The following HIVEP2 variants were observed in gnomAD, a reference collection of about 807,000 sequenced individuals.
The protein encoded by HIVEP2 is HIVEP zinc finger 2.
Under a neutral mutation model 180.7 loss-of-function variants are expected in HIVEP2, and 14 were observed. The observed-to-expected ratio is 0.08, with a 90% CI of 0.05 to 0.12. The LOEUF is 0.12. Among genes scored for constraint, HIVEP2 ranks in the 10% least tolerant of loss-of-function variants. The probability of loss-of-function intolerance (pLI) is 1.00; values close to 1 mark genes in which losing one functional copy is unlikely to be tolerated. For synonymous variants in HIVEP2, 1,184 were observed against 1,136.4 expected (o/e 1.04, Z -0.84); for missense variants, 2,579 against 3,008.5 (o/e 0.86, Z 3.34).
chr6:142,913,190 T>A (rs1777458729), intron 1 of HIVEP2, among the ~76,000 whole-genome samples: 1 of 152,228 alleles, frequency 6.6e-6, no homozygotes, highest in Non-Finnish European at 1.5e-5. Context: ...TATCAATTCA[T>A]TTCTTACTCA....
At chr6:142,859,761 G>C (rs966397198) in intron 1 of HIVEP2, among the ~76,000 whole-genome samples, 1 of 144,920 alleles carries the variant, frequency 6.9e-6, no homozygotes, top group Non-Finnish European at 1.5e-5. Context: ...TTGAACCTGG[G>C]AGGCAGATGT....
At chr6:142,818,745 G>GA (rs1186384396) in intron 2 of HIVEP2, among the ~76,000 whole-genome samples, 3 of 92,246 alleles carry the variant, frequency 3.3e-5, no homozygotes, top group African/African-American at 1.3e-4. Flanking sequence ...AAGAAAGAAA[G>GA]AAAGAAAGAA....
Position 142,753,356 on chromosome 6 carries a change from A to G in HIVEP2, c.7092T>C (p.Ser2364=). ...TAAAGTGTCTAATGCTAACATGTGC[A>G]CTTCCCAGGGGGTTCTGGTGGGGCT... The part of the protein sequence containing the change: ...VQEPHQNPLG[S]AHVSIRHFSR... The change falls in exon 10 of 10, where the codon AGT becomes AGC. Residue 2364 remains serine (S), a synonymous_variant. Coordinates refer to ENST00000367603, the MANE Select transcript of HIVEP2 (RefSeq NM_006734.4). 6.2e-7 allele frequency: 1 copy of G among 1,614,120 alleles called. No homozygotes were observed. Among genetic ancestry groups the G allele is most frequent in the Non-Finnish European group, 8.5e-7 (1 of 1,180,046 alleles).
chr6:142,832,793 G>A (rs1204799650), intron 2 of HIVEP2, among the ~76,000 whole-genome samples: 1 of 152,206 alleles, frequency 6.6e-6, no homozygotes, highest in Non-Finnish European at 1.5e-5. Context: ...TCTCAGATCA[G>A]GGAAGTGATT....
chr6:142,808,237 A>C (rs1776600521), intron 2 of HIVEP2, among the ~76,000 whole-genome samples: 1 of 152,208 alleles, frequency 6.6e-6, no homozygotes, highest in Non-Finnish European at 1.5e-5. Context: ...ACTTACCTAG[A>C]CATAAGACCC....
In HIVEP2 at chr6:142,813,580, T is replaced by G. The variant is rs552363167; in HGVS notation, c.-528+23355A>C. Among the ~76,000 whole-genome samples, 8 of 151,186 alleles carry G rather than the reference T, an allele frequency of 5.3e-5. No homozygotes were observed. In the East Asian group the frequency reaches 9.7e-4, roughly 18 times the overall value. Reference sequence around the variant, plus strand: ...CTCCATCATCAGTTCAGAGTTTTTTTTTTTTTTTTTTTGAGACATGATCTT... The same window carrying G: ...CTCCATCATCAGTTCAGAGTTTTTTGTTTTTTTTTTTTGAGACATGATCTT... On this transcript the variant is annotated intron_variant, in intron 2 of 9. Transcript: ENST00000367603.
intron 1 of HIVEP2, among the ~76,000 whole-genome samples, chr6:142,883,967 C>A (rs1044575672): frequency 6.6e-6 from 1 of 152,014 alleles, no homozygotes; most frequent in Non-Finnish European, 1.5e-5. Flanking sequence ...AGTCATTTTT[C>A]TTTCTCCTTT....
intron 1 of HIVEP2, among the ~76,000 whole-genome samples, chr6:142,845,564 G>A (rs1775489830): frequency 6.6e-6 from 1 of 152,172 alleles, no homozygotes; most frequent in African/African-American, 2.4e-5. Context: ...GATATTACCA[G>A]AAGTTACAGA....
At chr6:142,866,508 C>T (rs1169600827) in intron 1 of HIVEP2, among the ~76,000 whole-genome samples, 1 of 144,140 alleles carries the variant, frequency 6.9e-6, no homozygotes, top group Non-Finnish European at 1.6e-5. Flanking sequence ...TCAGTGCTAA[C>T]TCCTAACTCC....
chr6:142,813,228 A>G (rs1776744062), intron 2 of HIVEP2, among the ~76,000 whole-genome samples: 2 of 152,110 alleles, frequency 1.3e-5, no homozygotes, highest in South Asian at 4.1e-4. Flanking sequence ...GCAGGTTATT[A>G]TTTTTCAGTT....
chr6:142,768,335 C>A, intron 6 of HIVEP2, 47 bp downstream of exon 6: 1 of 1,561,230 alleles, frequency 6.4e-7, no homozygotes, highest in Non-Finnish European at 8.7e-7. Flanking sequence ...GGACCATTTA[C>A]TCTGACCTAT....
At position 142,918,368 on chromosome 6, in the gene HIVEP2, C is replaced by T. The variant is rs190542924; in HGVS notation, c.-641+26731G>A. 1.1e-3 allele frequency among the ~76,000 whole-genome samples: 161 copies of T among 152,222 alleles called. 2 individuals are homozygous for T. The highest frequency in any genetic ancestry group is 2.1e-3 in the East Asian group (11 of 5,180). The stretch of plus-strand genomic sequence containing the variant: ...GCCCTATTTATTTTTTTCTATTAAA[C>T]GAACTCAAGAGTTAAAATTACAACA... On this transcript the variant is annotated intron_variant, in intron 1 of 9. Coordinates refer to ENST00000367603, the MANE Select transcript of HIVEP2 (RefSeq NM_006734.4).
chr6:142,824,437 A>G (rs1774809971), intron 2 of HIVEP2, among the ~76,000 whole-genome samples: 1 of 152,212 alleles, frequency 6.6e-6, no homozygotes, highest in African/African-American at 2.4e-5. Flanking sequence ...GTTCTGTGCA[A>G]ATAAAGATTT....
chr6:142,783,326 C>CAAAAAAAAAAAAAAA (rs567202980), intron 3 of HIVEP2, among the ~76,000 whole-genome samples, 195 bp downstream of exon 3: 2 of 71,070 alleles, frequency 2.8e-5, no homozygotes, highest in African/African-American at 1.1e-4. Flanking sequence ...GACTCCGTCA[C>CAAAAAAAAAAAAAAA]AAAAAAAAAA....
At chr6:142,812,027 C>G (rs185986783) in intron 2 of HIVEP2, among the ~76,000 whole-genome samples, 124 of 152,298 alleles carry the variant, frequency 8.1e-4, no homozygotes, top group Middle Eastern at 3.4e-3. Context: ...GCCCCAGCAG[C>G]TGGCCTGGAG....
chr6:142,792,612 G>C (rs1448840411), intron 2 of HIVEP2, among the ~76,000 whole-genome samples: 1 of 152,034 alleles, frequency 6.6e-6, no homozygotes. Context: ...CTAAGCATGC[G>C]GGGCTTAAAA....
intron 2 of HIVEP2, among the ~76,000 whole-genome samples, chr6:142,802,232 A>G (rs1470523677): frequency 6.6e-6 from 1 of 152,170 alleles, no homozygotes; most frequent in Non-Finnish European, 1.5e-5. Context: ...GATTATGACA[A>G]AAGCACAGAA....
intron 2 of HIVEP2, among the ~76,000 whole-genome samples, chr6:142,828,981 T>G (rs1342057156): frequency 6.6e-6 from 1 of 152,134 alleles, no homozygotes; most frequent in Non-Finnish European, 1.5e-5. Context: ...CTCTTTATAT[T>G]CCTATTATGG....
chr6:142,758,515 C>T (rs377380898), intron 9 of HIVEP2, among the ~76,000 whole-genome samples: 6 of 152,112 alleles, frequency 3.9e-5, no homozygotes, highest in South Asian at 2.1e-4. Flanking sequence ...CACAGAGATC[C>T]GGAGCAAGGG....
Sources: allele counts gnomAD v4.1 joint callset (sites outside exome capture counted in the v4.1 genomes callset), GRCh38; gene constraint gnomAD v4.1.1; transcripts MANE v1.5; gene names NCBI Gene and HGNC (gene_info 2026-07-23, HGNC 2026-07-21).